RPS6KC1: variants seen among roughly 807,000 people sequenced by gnomAD.
The protein encoded by RPS6KC1 is ribosomal protein S6 kinase C1, also known as inactive ribosomal protein S6 kinase delta-1.
Under a neutral mutation model 103.8 loss-of-function variants are expected in RPS6KC1, and 54 were observed. That is an observed-to-expected ratio of 0.52 (90% CI 0.42 to 0.65). RPS6KC1 has a LOEUF of 0.65. Ranked by LOEUF, RPS6KC1 falls within the 30% of genes least tolerant of loss-of-function variation. RPS6KC1 has a pLI of 0.00. For synonymous variants in RPS6KC1, 439 were observed against 438.7 expected (o/e 1.00, Z -0.01); for missense variants, 1,151 against 1,253.8 (o/e 0.92, Z 1.24).
chr1:213,374,585 G>A, the RPS6KC1 span, among the ~76,000 whole-genome samples: 3 of 152,130 alleles, frequency 2.0e-5, no homozygotes, highest in Admixed American at 1.3e-4. Context: ...TGGAGAGGGA[G>A]GGCATGCCAG....
chr1:213,758,193 C>T, the RPS6KC1 span, among the ~76,000 whole-genome samples: 1 of 152,170 alleles, frequency 6.6e-6, no homozygotes, highest in Non-Finnish European at 1.5e-5. Context: ...AAGGCTATAA[C>T]TCCCATAGAT....
chr1:213,527,264 C>G, the RPS6KC1 span, among the ~76,000 whole-genome samples: 1 of 152,186 alleles, frequency 6.6e-6, no homozygotes, highest in Non-Finnish European at 1.5e-5. Flanking sequence ...CTGTGGAAAT[C>G]TTACAATTTG....
the RPS6KC1 span, among the ~76,000 whole-genome samples, chr1:213,590,789 C>A: frequency 5.3e-5 from 8 of 152,038 alleles, no homozygotes; most frequent in Non-Finnish European, 1.2e-4. Context: ...GGCGGCGAGT[C>A]CTTCATTCCT....
chr1:213,344,716 G>A, the RPS6KC1 span, among the ~76,000 whole-genome samples: 1 of 152,126 alleles, frequency 6.6e-6, no homozygotes, highest in South Asian at 2.1e-4. Context: ...TGTATTTTTA[G>A]TAGAGACGAG....
chr1:213,517,479 G>C, the RPS6KC1 span, among the ~76,000 whole-genome samples: 1 of 152,100 alleles, frequency 6.6e-6, no homozygotes, highest in African/African-American at 2.4e-5. Flanking sequence ...CCTTCATTTC[G>C]TTATGTACCC....
At chr1:213,416,458 T>G in the RPS6KC1 span, among the ~76,000 whole-genome samples, 1 of 152,120 alleles carries the variant, frequency 6.6e-6, no homozygotes, top group Non-Finnish European at 1.5e-5. Context: ...GCTTGGCCAG[T>G]AAAGGCAGGC....
At chr1:213,729,264 C>G in the RPS6KC1 span, among the ~76,000 whole-genome samples, 5 of 152,082 alleles carry the variant, frequency 3.3e-5, no homozygotes, top group African/African-American at 1.2e-4. Flanking sequence ...CATCCACATC[C>G]TCGGGTTTGA....
the RPS6KC1 span, among the ~76,000 whole-genome samples, chr1:213,345,333 A>C: frequency 6.6e-6 from 1 of 152,220 alleles, no homozygotes; most frequent in African/African-American, 2.4e-5. Flanking sequence ...ATAATCATAG[A>C]TATTTCAAAG....
In RPS6KC1 at chr1:213,150,975, G is replaced by A. The variant is rs547004050; in HGVS notation, c.836-16883G>A. ...CCCCCACCTCCCTCCCGGATGGGGC[G>A]GCTGGCCGGGCAGGGGGCTGACCCC... is the stretch of plus-strand genomic sequence containing the variant. On this transcript the variant is annotated intron_variant, in intron 6 of 14. Coordinates refer to ENST00000366960, the MANE Select transcript of RPS6KC1 (RefSeq NM_012424.6). Among the ~76,000 whole-genome samples the A allele has an allele frequency of 5.0e-3, 667 of 134,476 alleles. 4 individuals are homozygous for A. The highest frequency in any genetic ancestry group is 0.016 in the African/African-American group (536 of 34,186). 88.2% of individuals were successfully genotyped at this position (134,476 alleles called of 152,430 possible).
intron 3 of RPS6KC1, among the ~76,000 whole-genome samples, chr1:213,094,812 T>C (rs982308593): frequency 6.6e-6 from 1 of 152,274 alleles, no homozygotes; most frequent in African/African-American, 2.4e-5. Context: ...AAGACCATCC[T>C]GTAGTCATGT....
At chr1:213,234,723 A>G (rs2094185468) in intron 10 of RPS6KC1, among the ~76,000 whole-genome samples, 4 of 152,196 alleles carry the variant, frequency 2.6e-5, no homozygotes, top group Admixed American at 2.6e-4. Context: ...TTGGGAAACC[A>G]TTGGACTTCT....
chr1:213,448,665 G>A, the RPS6KC1 span, among the ~76,000 whole-genome samples: 1 of 151,710 alleles, frequency 6.6e-6, no homozygotes, highest in South Asian at 2.1e-4. Context: ...GACCCTGTGT[G>A]AAGCCTCTAG....
At chr1:213,656,287 C>A in the RPS6KC1 span, among the ~76,000 whole-genome samples, 1 of 152,182 alleles carries the variant, frequency 6.6e-6, no homozygotes, top group Non-Finnish European at 1.5e-5. Context: ...AAACTTCCCC[C>A]AGCCTAGCAC....
the RPS6KC1 span, among the ~76,000 whole-genome samples, chr1:213,445,795 T>G: frequency 0.07 from 10,689 of 152,266 alleles, 429 homozygotes; most frequent in South Asian, 0.15. Flanking sequence ...TGCTGCAGGC[T>G]GACTGCTAAG....
At chr1:213,613,378 A>C in the RPS6KC1 span, among the ~76,000 whole-genome samples, 1 of 152,188 alleles carries the variant, frequency 6.6e-6, no homozygotes, top group African/African-American at 2.4e-5. Flanking sequence ...TGTGTCGATG[A>C]GATTTGGACT....
chr1:213,490,127 G>A, the RPS6KC1 span, among the ~76,000 whole-genome samples: 1 of 152,130 alleles, frequency 6.6e-6, no homozygotes, highest in Admixed American at 6.5e-5. Flanking sequence ...GGAAAGAGCT[G>A]GGCAGTGAGG....
the RPS6KC1 span, among the ~76,000 whole-genome samples, chr1:213,594,731 A>T: frequency 6.6e-6 from 1 of 152,370 alleles, no homozygotes; most frequent in East Asian, 1.9e-4. Flanking sequence ...TCAAAACAAG[A>T]TGCAGACCCA....
At chr1:213,827,257 G>A in the RPS6KC1 span, among the ~76,000 whole-genome samples, 1 of 152,218 alleles carries the variant, frequency 6.6e-6, no homozygotes, top group Non-Finnish European at 1.5e-5. Context: ...CTCAGACCAA[G>A]AAGGCACACC....
the RPS6KC1 span, among the ~76,000 whole-genome samples, chr1:213,364,407 C>G: frequency 1.3e-5 from 2 of 152,146 alleles, no homozygotes; most frequent in Non-Finnish European, 2.9e-5. Flanking sequence ...TTCTGTCATG[C>G]TAAGGAGTTG....
Sources: allele counts gnomAD v4.1 joint callset (sites outside exome capture counted in the v4.1 genomes callset), GRCh38; gene constraint gnomAD v4.1.1; transcripts MANE v1.5; gene names NCBI Gene and HGNC (gene_info 2026-07-23, HGNC 2026-07-21).